Variants in ATL2 observed in about 807,000 individuals in gnomAD.
ATL2 encodes atlastin-2.
ATL2 carries 31 observed loss-of-function variants against 73.9 expected under a neutral mutation model. The observed-to-expected ratio is 0.42, with a 90% CI of 0.32 to 0.57. The LOEUF (loss-of-function observed/expected upper bound fraction) is 0.57. Among genes scored for constraint, ATL2 ranks in the 20% least tolerant of loss-of-function variants. The pLI is 0.14. For missense variants in ATL2, 738 were observed against 702.6 expected, an observed-to-expected ratio of 1.05 and a Z score of -0.57; for synonymous variants, 291 against 237.5, an observed-to-expected ratio of 1.23 and a Z score of -2.07.
At chr2:38,362,620 G>T (rs749588663) in intron 1 of ATL2, among the ~76,000 whole-genome samples, 4 of 152,208 alleles carry the variant, frequency 2.6e-5, no homozygotes, top group Non-Finnish European at 5.9e-5. Flanking sequence ...GAAAGGTCTA[G>T]AACTGGAGGT....
chr2:38,345,419 A>C (rs1437690873), intron 1 of ATL2, among the ~76,000 whole-genome samples: 1 of 152,200 alleles, frequency 6.6e-6, no homozygotes, highest in African/African-American at 2.4e-5. Context: ...TGATTTGCAA[A>C]GACTATTAGA....
At chr2:38,317,802 TA>T (rs5830529) in intron 4 of ATL2, among the ~76,000 whole-genome samples, 2 of 149,910 alleles carry the variant, frequency 1.3e-5, no homozygotes, top group Admixed American at 6.6e-5. Context: ...TCTTTTCCTT[TA>T]AAAAAAAAAG....
intron 1 of ATL2, among the ~76,000 whole-genome samples, chr2:38,350,783 T>G (rs1670293809): frequency 1.3e-5 from 2 of 151,418 alleles, no homozygotes; most frequent in Non-Finnish European, 2.9e-5. Context: ...ACCAAAAAAG[T>G]CTATTTAAAT....
In ATL2 at chr2:38,295,888, A is replaced by C; in HGVS notation, c.*106T>G. ...CCATCTGTGAAGCCAGTTACACTAA[A>C]CTACTTCTACAGTTGATTGTAAACT... On this transcript the variant is annotated 3_prime_UTR_variant, in exon 13 of 13. Transcript: ENST00000378954. 1 of 971,480 alleles carries C rather than the reference A, an allele frequency of 1.0e-6. No individual in the cohort carries two copies. Among genetic ancestry groups the C allele is most frequent in the South Asian group, 1.7e-5 (1 of 57,880 alleles). The allele number at this position is 971,480 out of a possible 1,614,324, so 60.2% of individuals were successfully genotyped here. A position where few individuals can be genotyped will look rare whatever the true frequency, so the allele number is the denominator to read the frequency against.
intron 2 of ATL2, among the ~76,000 whole-genome samples, chr2:38,340,171 T>TC: frequency 5.8e-5 from 1 of 17,106 alleles, no homozygotes; most frequent in South Asian, 7.9e-3. Flanking sequence ...TTAGTTTTGG[T>TC]GGGGGGGGGG....
At chr2:38,335,446 C>T (rs909614653) in intron 2 of ATL2, among the ~76,000 whole-genome samples, 2 of 152,142 alleles carry the variant, frequency 1.3e-5, no homozygotes, top group South Asian at 4.1e-4. Context: ...TAACAATGTG[C>T]ATACACCAGC....
chr2:38,357,865 GC>G (rs1329293919), intron 1 of ATL2, among the ~76,000 whole-genome samples: 2 of 151,954 alleles, frequency 1.3e-5, no homozygotes, highest in Admixed American at 6.6e-5. Flanking sequence ...ACTCCCACAG[GC>G]TTTATAGATT....
intron 2 of ATL2, among the ~76,000 whole-genome samples, chr2:38,325,085 G>A (rs527677084): frequency 4.3e-4 from 65 of 152,320 alleles, no homozygotes; most frequent in African/African-American, 1.5e-3. Flanking sequence ...GCCCTTGAGG[G>A]CTAACAAAAC....
chr2:38,325,703 C>CA, intron 2 of ATL2, among the ~76,000 whole-genome samples: 1 of 60,286 alleles, frequency 1.7e-5, no homozygotes. Flanking sequence ...CACCAGTACA[C>CA]ACACACACAC....
intron 10 of ATL2, 29 bp from the exon 11 acceptor site, chr2:38,299,356 C>T (rs1263444583): frequency 6.6e-7 from 1 of 1,514,444 alleles, no homozygotes; most frequent in Non-Finnish European, 8.7e-7. Context: ...CATTATTATG[C>T]AAAAAATACT....
rs1421450694 is a variant in ATL2, at chr2:38,309,404, C to G, written c.1046G>C (p.Cys349Ser). 2 of 1,611,022 alleles carry G rather than the reference C, an allele frequency of 1.2e-6. No homozygotes were observed. Among genetic ancestry groups the G allele is most frequent in the Admixed American group, 3.3e-5 (2 of 59,866 alleles). Residue 349 changes from cysteine (C) to serine (S), a missense_variant, in exon 9 of 13, where the codon TGT becomes TCT. By Grantham distance (112) the Cys-to-Ser change is moderately radical. Coordinates refer to ENST00000378954, the MANE Select transcript of ATL2 (RefSeq NM_001135673.4). ...EKEISGSKVT[C>S]RDLVEYFKAY... ...CTTAAAATATTCTACAAGATCTCTA[C>G]AAGTGACTTTAGATCCACTTATCTC...
intron 1 of ATL2, among the ~76,000 whole-genome samples, chr2:38,363,975 T>C (rs1368020954): frequency 6.6e-6 from 1 of 152,130 alleles, no homozygotes; most frequent in East Asian, 1.9e-4. Context: ...TTTAAAAATG[T>C]AGTCTAGGCC....
At chr2:38,332,501 C>A (rs1175875819) in intron 2 of ATL2, among the ~76,000 whole-genome samples, 2 of 152,172 alleles carry the variant, frequency 1.3e-5, no homozygotes, top group African/African-American at 4.8e-5. Flanking sequence ...CCACCATGCC[C>A]CGCCAATGGA....
chr2:38,336,766 G>A (rs1410891582), intron 2 of ATL2, among the ~76,000 whole-genome samples: 1 of 152,144 alleles, frequency 6.6e-6, no homozygotes, highest in East Asian at 1.9e-4. Context: ...TCACTGCACA[G>A]GGTTATTTCT....
intron 1 of ATL2, chr2:38,354,163 C>A (rs760238880): frequency 9.5e-6 from 4 of 421,182 alleles, no homozygotes; most frequent in South Asian, 3.2e-5. Context: ...TCCAACCTGG[C>A]GACAGAGCAA....
chr2:38,341,904 G>A (rs1299751689), intron 2 of ATL2, among the ~76,000 whole-genome samples: 1 of 152,120 alleles, frequency 6.6e-6, no homozygotes, highest in Non-Finnish European at 1.5e-5. Flanking sequence ...TGAGCACCCT[G>A]ACAGGTGTTT....
At chr2:38,369,507 C>A (rs1402151827) in intron 1 of ATL2, among the ~76,000 whole-genome samples, 4 of 151,612 alleles carry the variant, frequency 2.6e-5, no homozygotes, top group African/African-American at 9.7e-5. Context: ...AGGCTGGTCT[C>A]GAACTCCTGA....
chr2:38,352,022 G>C (rs1295675173), intron 1 of ATL2, among the ~76,000 whole-genome samples: 2 of 137,716 alleles, frequency 1.5e-5, no homozygotes, highest in African/African-American at 5.4e-5. Flanking sequence ...TGAGGCAGGA[G>C]AATTGCTTGA....
intron 2 of ATL2, among the ~76,000 whole-genome samples, chr2:38,338,669 G>A (rs750180736): frequency 1.6e-4 from 24 of 152,034 alleles, no homozygotes; most frequent in Non-Finnish European, 3.2e-4. Context: ...TTTGAGGTTG[G>A]GGTGGAATTA....
Sources: gnomAD v4.1 joint callset for allele counts (sites outside exome capture counted in the v4.1 genomes callset) on GRCh38, gnomAD v4.1.1 for gene constraint, MANE v1.5 for transcripts, NCBI Gene and HGNC (gene_info 2026-07-23, HGNC 2026-07-21) for gene names.